Variants in VPS13A observed in about 807,000 individuals in gnomAD.
VPS13A encodes intermembrane lipid transfer protein VPS13A.
Under a neutral mutation model 390.9 loss-of-function variants are expected in VPS13A, and 264 were observed. The observed-to-expected ratio is 0.68, with a 90% CI of 0.61 to 0.75. VPS13A has a LOEUF of 0.75. Among genes scored for constraint, VPS13A ranks in the 30% least tolerant of loss-of-function variants. The pLI is 0.00. For missense variants in VPS13A, 3,409 were observed against 3,733.9 expected, an observed-to-expected ratio of 0.91 and a Z score of 2.27; for synonymous variants, 1,231 against 1,227.1, an observed-to-expected ratio of 1.00 and a Z score of -0.07.
Position 77,417,310 on chromosome 9 carries a change from G to A in VPS13A, c.*1304G>A, listed in dbSNP as rs898960703. 2 of 152,036 alleles carry A rather than the reference G, an allele frequency of 1.3e-5. No homozygotes were observed. Among genetic ancestry groups the A allele is most frequent in the African/African-American group, 4.8e-5 (2 of 41,386 alleles). 9.4% of individuals were successfully genotyped at this position (152,036 alleles called of 1,614,324 possible). A position where few individuals can be genotyped will look rare whatever the true frequency, so the allele number is the denominator to read the frequency against. On this transcript the variant is annotated 3_prime_UTR_variant, in exon 72 of 72. Transcript: ENST00000360280. ...TCAATAGTTGTGAAATTCTTCTCAG[G>A]CTCCTTAAACCCTCGCTTTGTTGTA... is the stretch of plus-strand genomic sequence containing the variant.
At position 77,237,989 on chromosome 9, in the gene VPS13A, T is replaced by C; in HGVS notation, c.1596-13T>C. ...TACTGATCGCTGACTTTTTTCTTTTTTTTTTAATGCAGATTTGAAACTAAA... is the reference window on the plus strand; with the variant it reads ...TACTGATCGCTGACTTTTTTCTTTTCTTTTTAATGCAGATTTGAAACTAAA... On this transcript the variant is annotated splice_polypyrimidine_tract_variant and intron_variant, in intron 17 of 71. Coordinates refer to ENST00000360280, the MANE Select transcript of VPS13A (RefSeq NM_033305.3). 2 of 1,582,052 alleles carry C rather than the reference T, an allele frequency of 1.3e-6. No homozygotes were observed. The highest frequency in any genetic ancestry group is 1.1e-5 in the South Asian group (1 of 87,422).
In VPS13A at chr9:77,276,085, C is replaced by T. The variant is rs1826650385; in HGVS notation, c.2688C>T (p.His896=). The T allele has an allele frequency of 6.2e-7, 1 of 1,612,170 alleles. No individual in the cohort carries two copies. Among genetic ancestry groups the T allele is most frequent in the Non-Finnish European group, 8.5e-7 (1 of 1,179,660 alleles). The change falls in exon 26 of 72, where the codon CAC becomes CAT. Residue 896 remains histidine (H), a synonymous_variant. Transcript: ENST00000360280. The part of the protein sequence containing the change: ...EVPKVLIEFY[H]LVGDCELSVV... ...TCCAGGTTTTGATCGAGTTTTATCA[C>T]CTTGTTGGAGATTGTGAACTATCTG...
At chr9:77,210,757 A>C in intron 7 of VPS13A, 82 bp downstream of exon 7, 9 of 1,399,000 alleles carry the variant, frequency 6.4e-6, no homozygotes, top group East Asian at 2.3e-5. Flanking sequence ...ATATGCCAGC[A>C]TCAGAAATAG....
intron 32 of VPS13A, among the ~76,000 whole-genome samples, chr9:77,294,340 A>G (rs951338814): frequency 1.3e-5 from 2 of 151,668 alleles, no homozygotes; most frequent in Admixed American, 1.3e-4. Context: ...TTCTTGTTTC[A>G]TTTTGTTTCG....
intron 1 of VPS13A, among the ~76,000 whole-genome samples, chr9:77,192,309 GC>G (rs1824733974): frequency 6.6e-6 from 1 of 152,154 alleles, no homozygotes; most frequent in African/African-American, 2.4e-5. Flanking sequence ...GCCATTCTGT[GC>G]CTTTGAAGTG....
Position 77,345,151 on chromosome 9 carries a change from A to G in VPS13A, c.7289+9A>G. 3.7e-6 allele frequency: 6 copies of G among 1,612,488 alleles called. No homozygotes were observed. Among genetic ancestry groups the G allele is most frequent in the Non-Finnish European group, 5.1e-6 (6 of 1,179,496 alleles). On this transcript the variant is annotated intron_variant, in intron 52 of 71. Coordinates refer to ENST00000360280, the MANE Select transcript of VPS13A (RefSeq NM_033305.3). ...GTTCAATACAATCAAAGGTAAGATTATCACAAATACAGTAACTCTTGATGG... is the reference window on the plus strand; with the variant it reads ...GTTCAATACAATCAAAGGTAAGATTGTCACAAATACAGTAACTCTTGATGG...
intron 68 of VPS13A, among the ~76,000 whole-genome samples, chr9:77,393,657 G>A (rs879616063): frequency 2.6e-5 from 4 of 152,242 alleles, no homozygotes; most frequent in Admixed American, 1.3e-4. Context: ...TCTTGAGCCC[G>A]AGTGACTAGG....
rs1044795682 is a variant in VPS13A, at chr9:77,361,128, G to GTA, written c.8211+490_8211+491dup. ...AGCAAATTAGTAACAGTCTATTGAGGTATAGATCACATACCATACATTTCA... is the reference window on the plus strand; with the variant it reads ...AGCAAATTAGTAACAGTCTATTGAGGTATATAGATCACATACCATACATTTCA... On this transcript the variant is annotated intron_variant, in intron 59 of 71. Transcript: ENST00000360280. Among the ~76,000 whole-genome samples, 3 of 152,024 alleles carry GTA rather than the reference G, an allele frequency of 2.0e-5. No individual in the cohort carries two copies. In the South Asian group the frequency reaches 6.2e-4, roughly 31 times the overall value.
At chr9:77,282,762 A>G (rs562997515) in intron 29 of VPS13A, among the ~76,000 whole-genome samples, 1 of 152,244 alleles carries the variant, frequency 6.6e-6, no homozygotes, top group South Asian at 2.1e-4. Flanking sequence ...AGCCTGGGCA[A>G]CATAGCAAGA....
In VPS13A at chr9:77,315,287, G is replaced by T; in HGVS notation, c.4447G>T (p.Asp1483Tyr). Residue 1483 changes from aspartate (D) to tyrosine (Y), a missense_variant, in exon 38 of 72, where the codon GAC becomes TAC. Physicochemically the swap from Asp to Tyr is radical, Grantham distance 160. This residue lies in a region of VPS13A where 2,717 missense variants were observed against 2,917.4 expected (regional missense o/e 0.93). Coordinates refer to ENST00000360280, the MANE Select transcript of VPS13A (RefSeq NM_033305.3). ...ACTGACAGTTGGTTTTGACAAAAAA[G>T]ACATGATGGATATAAAGTACAGGAA... ...IGLTVGFDKK[D>Y]MMDIKYRKVR... 1 of 1,613,860 alleles carries T rather than the reference G, an allele frequency of 6.2e-7. No homozygotes were observed. Among genetic ancestry groups the T allele is most frequent in the Non-Finnish European group, 8.5e-7 (1 of 1,179,786 alleles).
At chr9:77,310,442 A>G (rs1829006266) in intron 35 of VPS13A, among the ~76,000 whole-genome samples, 1 of 152,206 alleles carries the variant, frequency 6.6e-6, no homozygotes, top group South Asian at 2.1e-4. Context: ...CAGACAGGAA[A>G]GTGTTTTCTG....
chr9:77,235,354 T>G (rs778830019), intron 17 of VPS13A, among the ~76,000 whole-genome samples: 6 of 152,208 alleles, frequency 3.9e-5, no homozygotes, highest in Non-Finnish European at 7.3e-5. Context: ...ATTTAGTGCT[T>G]TAAGTACATG....
intron 24 of VPS13A, among the ~76,000 whole-genome samples, chr9:77,274,132 G>C (rs1826502843): frequency 6.6e-6 from 1 of 152,060 alleles, no homozygotes; most frequent in Non-Finnish European, 1.5e-5. Context: ...AAGTTGAACA[G>C]AAAATGACAA....
At position 77,317,656 on chromosome 9, in the gene VPS13A, TC is replaced by T; in HGVS notation, c.4916del (p.Pro1639HisfsTer3). ...FYQTTQKGTD[P>X]QVIDMSVKSL... ...ATCAAACTACTCAGAAAGGTACAGA[TC>T]CACAAGTGATCGATATGTCAGTAAA... On this transcript the variant is annotated frameshift_variant, in exon 40 of 72. Coordinates refer to ENST00000360280, the MANE Select transcript of VPS13A (RefSeq NM_033305.3). LOFTEE classifies it high-confidence loss of function. 6.2e-7 allele frequency: 1 copy of T among 1,602,434 alleles called. No individual in the cohort carries two copies. Among genetic ancestry groups the T allele is most frequent in the South Asian group, 1.1e-5 (1 of 89,042 alleles).
chr9:77,321,898 T>G, intron 44 of VPS13A, 152 bp downstream of exon 44: 2 of 923,476 alleles, frequency 2.2e-6, no homozygotes, highest in Non-Finnish European at 3.2e-6. Context: ...AAGAACTGTT[T>G]TTTGTCTTTG....
intron 34 of VPS13A, among the ~76,000 whole-genome samples, chr9:77,305,795 C>G (rs1254269255): frequency 6.6e-6 from 1 of 152,180 alleles, no homozygotes; most frequent in Non-Finnish European, 1.5e-5. Context: ...TCTAATGCAT[C>G]CAGACCAAGT....
At chr9:77,322,650 A>T (rs535819008) in intron 44 of VPS13A, among the ~76,000 whole-genome samples, 13 of 152,142 alleles carry the variant, frequency 8.5e-5, no homozygotes, top group African/African-American at 2.9e-4. Context: ...AATTTTATTT[A>T]ATCAAGTCCA....
chr9:77,375,546 A>T (rs1251634327), intron 67 of VPS13A, among the ~76,000 whole-genome samples: 1 of 152,200 alleles, frequency 6.6e-6, no homozygotes, highest in Non-Finnish European at 1.5e-5. Flanking sequence ...AGGTAATGAT[A>T]AAAAGAACTA....
At chr9:77,386,454 T>G (rs147877239) in intron 68 of VPS13A, among the ~76,000 whole-genome samples, 2 of 151,908 alleles carry the variant, frequency 1.3e-5, no homozygotes, top group African/African-American at 2.4e-5. Flanking sequence ...GGAATGGGAT[T>G]CATAAAGATG....
Sources: allele counts gnomAD v4.1 joint callset (sites outside exome capture counted in the v4.1 genomes callset), GRCh38; gene constraint gnomAD v4.1.1; regional missense constraint gnomAD v4.1.1; transcripts MANE v1.5; gene names NCBI Gene and HGNC (gene_info 2026-07-23, HGNC 2026-07-21).